Variants in CSMD3 observed in about 807,000 individuals in gnomAD.
The protein encoded by CSMD3 is CUB and sushi domain-containing protein 3.
A neutral mutation model predicts 435.2 loss-of-function variants in CSMD3; 177 were observed. The ratio of observed to expected loss-of-function variants is 0.41; its 90% CI spans 0.36 to 0.46. The LOEUF (loss-of-function observed/expected upper bound fraction) is 0.46, where lower values mean the gene tolerates loss of function less well. Among genes scored for constraint, CSMD3 ranks in the 20% least tolerant of loss-of-function variants. CSMD3 has a pLI of 0.34. For missense variants in CSMD3, 4,265 were observed against 4,504.6 expected, an observed-to-expected ratio of 0.95 and a Z score of 1.52; for synonymous variants, 1,656 against 1,520.5, an observed-to-expected ratio of 1.09 and a Z score of -2.07.
At chr8:113,133,427 T>C (rs778363742) in intron 4 of CSMD3, among the ~76,000 whole-genome samples, 2 of 152,000 alleles carry the variant, frequency 1.3e-5, no homozygotes, top group Non-Finnish European at 2.9e-5. Flanking sequence ...AAGCAAAAAA[T>C]AACAAGTGTT....
At chr8:113,074,461 T>C (rs1318247881) in intron 5 of CSMD3, among the ~76,000 whole-genome samples, 1 of 151,892 alleles carries the variant, frequency 6.6e-6, no homozygotes, top group Non-Finnish European at 1.5e-5. Flanking sequence ...GACAGACCTT[T>C]CTACCAGGTT....
chr8:112,676,368 G>C (rs568658700), intron 16 of CSMD3, among the ~76,000 whole-genome samples: 2 of 152,044 alleles, frequency 1.3e-5, no homozygotes, highest in African/African-American at 4.8e-5. Flanking sequence ...TCACAGAGAG[G>C]AGGAGAAACC....
chr8:112,573,434 A>G (rs1454698670), intron 24 of CSMD3, 67 bp downstream of exon 24: 4 of 1,201,296 alleles, frequency 3.3e-6, no homozygotes, highest in Admixed American at 1.7e-5. Context: ...CAATTTGTGC[A>G]ATGTAATTAT....
chr8:112,371,311 C>T (rs1362022838), intron 38 of CSMD3, among the ~76,000 whole-genome samples: 2 of 152,144 alleles, frequency 1.3e-5, no homozygotes, highest in Non-Finnish European at 2.9e-5. Flanking sequence ...AAACAATTCC[C>T]ATACAGAATA....
intron 13 of CSMD3, among the ~76,000 whole-genome samples, chr8:112,715,269 A>G (rs922716552): frequency 6.6e-6 from 1 of 152,192 alleles, no homozygotes; most frequent in African/African-American, 2.4e-5. Flanking sequence ...ATAAATACAA[A>G]CTACCATCAG....
chr8:112,839,293 C>G (rs867783080), intron 11 of CSMD3, among the ~76,000 whole-genome samples: 1 of 151,648 alleles, frequency 6.6e-6, no homozygotes, highest in African/African-American at 2.4e-5. Context: ...CTGGTCTTCT[C>G]CTTTAGGGGA....
chr8:113,066,741 A>G (rs1276732249), intron 5 of CSMD3, among the ~76,000 whole-genome samples: 16 of 152,132 alleles, frequency 1.1e-4, no homozygotes, highest in Non-Finnish European at 1.0e-4. Context: ...AATTTATAGT[A>G]TAAGAAAAAG....
intron 13 of CSMD3, among the ~76,000 whole-genome samples, chr8:112,778,375 C>A (rs1027916572): frequency 6.6e-6 from 1 of 151,860 alleles, no homozygotes; most frequent in Admixed American, 6.6e-5. Context: ...TAATCTCTCT[C>A]GCTCCCACCT....
intron 63 of CSMD3, among the ~76,000 whole-genome samples, chr8:112,249,942 C>T (rs1311516504): frequency 6.6e-6 from 1 of 151,932 alleles, no homozygotes; most frequent in Non-Finnish European, 1.5e-5. Flanking sequence ...CATCCTTGTG[C>T]ACCTTGAGCT....
intron 15 of CSMD3, 38 bp downstream of exon 15, chr8:112,685,368 A>C: frequency 1.3e-6 from 2 of 1,530,946 alleles, no homozygotes; most frequent in Non-Finnish European, 1.8e-6. Flanking sequence ...ATTTATAGAA[A>C]TATATTATAT....
chr8:112,258,520 G>A (rs1816027976), intron 61 of CSMD3, among the ~76,000 whole-genome samples: 1 of 152,088 alleles, frequency 6.6e-6, no homozygotes, highest in South Asian at 2.1e-4. Context: ...ACAAACACAC[G>A]GAGAAAAGCT....
At chr8:112,225,071 T>G in intron 70 of CSMD3, 141 bp from the exon 71 acceptor site, 1 of 821,532 alleles carries the variant, frequency 1.2e-6, no homozygotes, top group Non-Finnish European at 2.0e-6. Flanking sequence ...CTAAGTCAAC[T>G]TGAACAATTT....
chr8:113,166,535 A>G (rs1164412714), intron 4 of CSMD3, among the ~76,000 whole-genome samples: 1 of 152,162 alleles, frequency 6.6e-6, no homozygotes, highest in African/African-American at 2.4e-5. Context: ...TGAAAAATAA[A>G]GTAAAATATG....
At chr8:112,876,311 C>T (rs552492094) in intron 10 of CSMD3, among the ~76,000 whole-genome samples, 3 of 152,172 alleles carry the variant, frequency 2.0e-5, no homozygotes, top group South Asian at 4.1e-4. Flanking sequence ...AAGAGAGACT[C>T]CTCCCTAACT....
chr8:113,390,621 A>T (rs142195172), intron 1 of CSMD3, among the ~76,000 whole-genome samples: 17 of 152,036 alleles, frequency 1.1e-4, no homozygotes, highest in Admixed American at 2.0e-4. Context: ...AGATCAGTAA[A>T]ATCAATAGAT....
intron 7 of CSMD3, among the ~76,000 whole-genome samples, chr8:112,963,579 A>T (rs944624760): frequency 5.3e-5 from 8 of 151,956 alleles, no homozygotes; most frequent in Non-Finnish European, 8.8e-5. Flanking sequence ...AAATGTTTTG[A>T]AAATCTAGAC....
At chr8:112,269,994 T>C (rs771963795) in intron 59 of CSMD3, among the ~76,000 whole-genome samples, 26 of 152,274 alleles carry the variant, frequency 1.7e-4, no homozygotes, top group Non-Finnish European at 2.9e-4. Context: ...GGTAGTGGGC[T>C]TAATGAGGAC....
chr8:112,589,814 C>T (rs1327363633), intron 22 of CSMD3, among the ~76,000 whole-genome samples: 1 of 152,048 alleles, frequency 6.6e-6, no homozygotes, highest in Non-Finnish European at 1.5e-5. Context: ...AAAGCAAGTC[C>T]TAACGATCCA....
intron 38 of CSMD3, among the ~76,000 whole-genome samples, chr8:112,366,895 CT>C (rs1161889427): frequency 6.6e-6 from 1 of 152,144 alleles, no homozygotes; most frequent in Admixed American, 6.5e-5. Flanking sequence ...GTGTCTTGAA[CT>C]TGATAGAGCT....
Sources: gnomAD v4.1 joint callset for allele counts (sites outside exome capture counted in the v4.1 genomes callset) on GRCh38, gnomAD v4.1.1 for gene constraint, MANE v1.5 for transcripts, NCBI Gene and HGNC (gene_info 2026-07-23, HGNC 2026-07-21) for gene names.